FAM120A: variants seen among roughly 807,000 people sequenced by gnomAD.
FAM120A encodes the protein family with sequence similarity 120 member A, also known as constitutive coactivator of PPAR-gamma-like protein 1.
In FAM120A, 15 loss-of-function variants were observed where a neutral mutation model predicts 109.7. The observed-to-expected ratio is 0.14, with a 90% confidence interval of 0.09 to 0.21. The LOEUF is 0.21. FAM120A is among the 10% of genes least tolerant of loss of function. The probability of loss-of-function intolerance (pLI) is 1.00; values close to 1 mark genes in which losing one functional copy is unlikely to be tolerated. For missense variants in FAM120A, 899 were observed against 1,439.3 expected (o/e 0.62, Z 6.07); for synonymous variants, 493 against 572.8 (o/e 0.86, Z 1.99).
In FAM120A at chr9:93,452,625, G is replaced by C; in HGVS notation, c.474+236G>C. ...CTGTTCGGGGTCCGCGGCCGCGTGG[G>C]GACACTTGAGGGCTGGGAGAGAGCC... On this transcript the variant is annotated intron_variant, in intron 1 of 17. Transcript: ENST00000277165. The surrounding 1 kb of genome is among the most constrained non-coding windows in gnomAD (Gnocchi z 7.0). The C allele has an allele frequency of 1.3e-6, 2 of 1,599,234 alleles. No individual in the cohort carries two copies. Among genetic ancestry groups the C allele is most frequent in the Non-Finnish European group, 1.7e-6 (2 of 1,179,884 alleles).
chr9:93,452,514 C>T lies in FAM120A; in HGVS notation c.474+125C>T, dbSNP rs1466973085. On this transcript the variant is annotated intron_variant, in intron 1 of 17. Transcript: ENST00000277165. The surrounding 1 kb of genome is among the most constrained non-coding windows in gnomAD (Gnocchi z 7.0). Reference sequence around the variant, plus strand: ...GGGCAGCGAGTTCCCCCAGCCCTTGCCCGGGATAGCCTGGCCGGGCCGGGC... The same window carrying T: ...GGGCAGCGAGTTCCCCCAGCCCTTGTCCGGGATAGCCTGGCCGGGCCGGGC... 1.3e-6 allele frequency: 2 copies of T among 1,551,044 alleles called. No homozygotes were observed. Among genetic ancestry groups the T allele is most frequent in the Non-Finnish European group, 1.7e-6 (2 of 1,153,712 alleles).
chr9:93,554,402 G>A (rs1438302749), intron 12 of FAM120A, among the ~76,000 whole-genome samples: 1 of 152,110 alleles, frequency 6.6e-6, no homozygotes, highest in East Asian at 1.9e-4. Flanking sequence ...GGATGCGGTG[G>A]CTCATGCCTG....
intron 8 of FAM120A, among the ~76,000 whole-genome samples, chr9:93,527,772 A>G (rs1166608849): frequency 2.0e-5 from 3 of 151,506 alleles, no homozygotes; most frequent in African/African-American, 4.8e-5. Flanking sequence ...ATAGGCGTGC[A>G]CTACCATGCC....
At chr9:93,549,838 C>G (rs76862399) in intron 11 of FAM120A, among the ~76,000 whole-genome samples, 1,563 of 152,232 alleles carry the variant, frequency 0.01, 32 homozygotes, top group African/African-American at 0.035. Context: ...TATAGTTAGC[C>G]CTTCACTTTT....
At chr9:93,559,063 T>C (rs1012385522) in intron 15 of FAM120A, among the ~76,000 whole-genome samples, 2 of 152,214 alleles carry the variant, frequency 1.3e-5, no homozygotes, top group African/African-American at 4.8e-5. Flanking sequence ...CATCTTTTGG[T>C]AAAGATTATC....
chr9:93,509,700 TTTG>T (rs1473681953), intron 5 of FAM120A, among the ~76,000 whole-genome samples: 3 of 152,138 alleles, frequency 2.0e-5, no homozygotes, highest in Non-Finnish European at 4.4e-5. Flanking sequence ...TTACTAAAGT[TTTG>T]TTGTTGTTGT....
intron 12 of FAM120A, 55 bp downstream of exon 12, chr9:93,550,746 G>C (rs1251140873): frequency 3.7e-6 from 5 of 1,352,414 alleles, no homozygotes; most frequent in Non-Finnish European, 5.2e-6. Flanking sequence ...GGATTTTGGT[G>C]TAATACTGCT....
Position 93,543,410 on chromosome 9 carries a change from C to T in FAM120A, c.2098C>T (p.Pro700Ser), listed in dbSNP as rs1235623736. 1.2e-6 allele frequency: 2 copies of T among 1,614,126 alleles called. No homozygotes were observed. Among genetic ancestry groups the T allele is most frequent in the South Asian group, 1.1e-5 (1 of 91,074 alleles). ...CCTGGCCTGCATGAGGTCGGACACC[C>T]CAGCCATGCTCAACCCTGCCAACGT... ...AFLACMRSDT[P>S]AMLNPANVPT... Residue 700 changes from proline (P) to serine (S), a missense_variant, in exon 11 of 18, where the codon CCA becomes TCA. This residue lies in a region of FAM120A where 133 missense variants were observed against 276.6 expected (regional missense o/e 0.48). Coordinates refer to ENST00000277165, the MANE Select transcript of FAM120A (RefSeq NM_014612.5).
rs931746182 is a variant in FAM120A at position 93,505,467 on chromosome 9, T to C, written c.1030+6581T>C. ...ATAAATGGACTGCAAATAATAATCT[T>C]CCAATCTGTGGCTTGCATTTTTCTG... On this transcript the variant is annotated intron_variant, in intron 5 of 17. Transcript: ENST00000277165. Among the ~76,000 whole-genome samples the C allele has an allele frequency of 2.0e-5, 3 of 152,374 alleles. No homozygotes were observed. In the South Asian group the frequency reaches 6.2e-4, roughly 32 times the overall value.
At chr9:93,491,668 T>A (rs768241884) in intron 3 of FAM120A, among the ~76,000 whole-genome samples, 2 of 152,200 alleles carry the variant, frequency 1.3e-5, no homozygotes, top group Non-Finnish European at 2.9e-5. Context: ...AAAATTTCAG[T>A]CACAGTTAGT....
At chr9:93,527,971 A>G (rs1861160982) in intron 8 of FAM120A, among the ~76,000 whole-genome samples, 1 of 152,166 alleles carries the variant, frequency 6.6e-6, no homozygotes, top group Non-Finnish European at 1.5e-5. Flanking sequence ...ATCTAAAAAT[A>G]TCTTTTTAAT....
At position 93,527,307 on chromosome 9, in the gene FAM120A, T is replaced by A. The variant is rs190429030; in HGVS notation, c.1506+65T>A. 19 of 1,133,902 alleles carry A rather than the reference T, an allele frequency of 1.7e-5. No homozygotes were observed. The Admixed American group carries it at 2.8e-4, about 17-fold the overall frequency. The allele number at this position is 1,133,902 out of a possible 1,614,324, so 70.2% of individuals were successfully genotyped here. A position where few individuals can be genotyped will look rare whatever the true frequency, so the allele number is the denominator to read the frequency against. ...ATTTTGTATTAGCACACTGTATTAG[T>A]GATCAAATAGTGAAAAATAATATCT... On this transcript the variant is annotated intron_variant, in intron 8 of 17. Transcript: ENST00000277165.
chr9:93,487,902 C>A (rs1859135437), intron 3 of FAM120A, among the ~76,000 whole-genome samples: 1 of 152,182 alleles, frequency 6.6e-6, no homozygotes, highest in African/African-American at 2.4e-5. Flanking sequence ...TGATTCTATT[C>A]TCCTTCCCAG....
At chr9:93,546,038 G>A (rs183817233) in intron 11 of FAM120A, among the ~76,000 whole-genome samples, 7 of 151,700 alleles carry the variant, frequency 4.6e-5, no homozygotes, top group Admixed American at 2.6e-4. Flanking sequence ...CACCCACCTC[G>A]GCCTCCCAAA....
chr9:93,549,633 A>G (rs1862025340), intron 11 of FAM120A, among the ~76,000 whole-genome samples: 1 of 152,174 alleles, frequency 6.6e-6, no homozygotes, highest in African/African-American at 2.4e-5. Flanking sequence ...TGCAGATGGG[A>G]ATGGAAAGAG....
At chr9:93,560,034 C>T (rs963341900) in intron 15 of FAM120A, among the ~76,000 whole-genome samples, 1 of 152,178 alleles carries the variant, frequency 6.6e-6, no homozygotes, top group African/African-American at 2.4e-5. Context: ...TGGCTCATGC[C>T]TATAATCTCA....
At chr9:93,478,531 CA>C (rs1564316271) in intron 3 of FAM120A, among the ~76,000 whole-genome samples, 1 of 152,162 alleles carries the variant, frequency 6.6e-6, no homozygotes, top group Non-Finnish European at 1.5e-5. Flanking sequence ...GGATGGAGTA[CA>C]GGGGTGAGAT....
chr9:93,543,403 G>A lies in FAM120A; in HGVS notation c.2091G>A (p.Ser697=), dbSNP rs1229446960. The change falls in exon 11 of 18, where the codon TCG becomes TCA. Residue 697 remains serine (S), a synonymous_variant. Transcript: ENST00000277165. ...GGGCCTTCCTGGCCTGCATGAGGTC[G>A]GACACCCCAGCCATGCTCAACCCTG... ...RMRAFLACMR[S]DTPAMLNPAN... 12 of 1,614,050 alleles carry A rather than the reference G, an allele frequency of 7.4e-6. No individual in the cohort carries two copies. Among genetic ancestry groups the A allele is most frequent in the African/African-American group, 1.3e-5 (1 of 74,918 alleles).
chr9:93,555,641 C>G (rs1242454571), intron 12 of FAM120A, among the ~76,000 whole-genome samples: 5 of 152,326 alleles, frequency 3.3e-5, no homozygotes, highest in Middle Eastern at 3.4e-3. Flanking sequence ...ATGTTTCTCA[C>G]TCTGCTTATC....
Sources: allele counts gnomAD v4.1 joint callset (sites outside exome capture counted in the v4.1 genomes callset), GRCh38; gene constraint gnomAD v4.1.1; regional missense constraint gnomAD v4.1.1; non-coding constraint Gnocchi (gnomAD v3.1); transcripts MANE v1.5; gene names NCBI Gene and HGNC (gene_info 2026-07-23, HGNC 2026-07-21).